PHLPP2: variants seen among roughly 807,000 people sequenced by gnomAD.
PHLPP2 encodes the protein PH domain leucine-rich repeat-containing protein phosphatase 2.
A neutral mutation model predicts 124.9 loss-of-function variants in PHLPP2; 66 were observed. The observed-to-expected ratio is 0.53, with a 90% CI of 0.43 to 0.65. The LOEUF (loss-of-function observed/expected upper bound fraction) is 0.65. Ranked by LOEUF, PHLPP2 falls within the 30% of genes least tolerant of loss-of-function variation. The pLI is 0.00. For missense variants in PHLPP2, 1,685 were observed against 1,600.4 expected (o/e 1.05, Z -0.90); for synonymous variants, 681 against 624.7 (o/e 1.09, Z -1.34).
chr16:71,669,181 C>T, intron 11 of PHLPP2, 94 bp downstream of exon 11: 1 of 788,020 alleles, frequency 1.3e-6, no homozygotes, highest in East Asian at 2.5e-5. Context: ...ACACACTGAA[C>T]AAATAAAAGG....
chr16:71,666,822 T>C (rs565716381), intron 12 of PHLPP2, among the ~76,000 whole-genome samples: 27 of 152,348 alleles, frequency 1.8e-4, no homozygotes, highest in Admixed American at 1.6e-3. Flanking sequence ...TTCTCTCCAA[T>C]GCAAAAGCTC....
intron 1 of PHLPP2, among the ~76,000 whole-genome samples, chr16:71,722,818 T>G (rs2045406790): frequency 1.3e-5 from 2 of 152,192 alleles, no homozygotes; most frequent in South Asian, 4.1e-4. Flanking sequence ...AAAATTTCTC[T>G]GCAACTCTTT....
chr16:71,649,327 G>A lies in PHLPP2; in HGVS notation c.3535C>T (p.Leu1179=), dbSNP rs371011394. 8 of 1,613,650 alleles carry A rather than the reference G, an allele frequency of 5.0e-6. No homozygotes were observed. The highest frequency in any genetic ancestry group is 5.9e-6 in the Non-Finnish European group (7 of 1,179,754). ...TCTATGAGAGGGGGTGAGTTCTCCA[G>A]ATCCCTCCCCCTGCAGCAGTGGATG... The part of the protein sequence containing the change: ...VDIHCCRGRD[L]ENSPPLIESS... Residue 1179 remains leucine, a synonymous_variant, in exon 19 of 19, where the codon CTG becomes TTG. Transcript: ENST00000568954.
chr16:71,649,567 C>A lies in PHLPP2; in HGVS notation c.3295G>T (p.Asp1099Tyr). The A allele has an allele frequency of 6.2e-7, 1 of 1,614,180 alleles. No individual in the cohort carries two copies. Among genetic ancestry groups the A allele is most frequent in the East Asian group, 2.2e-5 (1 of 44,880 alleles). Residue 1099 changes from aspartate (D) to tyrosine (Y), a missense_variant, in exon 19 of 19, where the codon GAT (aspartate) becomes TAT (tyrosine). Asp to Tyr is a radical substitution (Grantham distance 160, BLOSUM62 -3). Transcript: ENST00000568954. ...VSSEVGSTAS[D>Y]EHNAGGLDTA... ...TCCAGGCCCCCAGCATTATGCTCAT[C>A]AGAAGCAGTGGACCCCACTTCACTG... is the stretch of plus-strand genomic sequence containing the variant.
intron 4 of PHLPP2, among the ~76,000 whole-genome samples, chr16:71,688,388 T>C (rs938740438): frequency 2.0e-5 from 3 of 152,256 alleles, no homozygotes; most frequent in African/African-American, 7.2e-5. Flanking sequence ...TTTTAGTAAC[T>C]GTATTTTTAT....
chr16:71,710,175 G>A (rs973196150), intron 2 of PHLPP2, among the ~76,000 whole-genome samples: 1 of 151,958 alleles, frequency 6.6e-6, no homozygotes, highest in Admixed American at 6.6e-5. Context: ...AGTCTCTCTG[G>A]ACCTTGCCAC....
At chr16:71,680,480 G>C (rs1457708768) in intron 6 of PHLPP2, among the ~76,000 whole-genome samples, 4 of 152,170 alleles carry the variant, frequency 2.6e-5, no homozygotes, top group Non-Finnish European at 5.9e-5. Context: ...CCCAGAGATA[G>C]CATTGTTATA....
chr16:71,687,686 G>C (rs2045066700), intron 4 of PHLPP2, among the ~76,000 whole-genome samples: 1 of 151,930 alleles, frequency 6.6e-6, no homozygotes, highest in Non-Finnish European at 1.5e-5. Flanking sequence ...TAAATTTTAA[G>C]ATTATTTGAT....
In PHLPP2 at chr16:71,678,902, C is replaced by A. The variant is rs552174423; in HGVS notation, c.1121G>T (p.Gly374Val). The change falls in exon 8 of 19, where the codon GGA becomes GTA. Residue 374 changes from glycine (G) to valine (V), a missense_variant. Transcript: ENST00000568954. ...LGNLQQLSSL[G>V]ISFNNFSQIP... ...TTGACTAAAGTTGTTGAAGGAAATT[C>A]CCAAGGAGGAAAGCTGTTGTAGATT... 1.9e-5 allele frequency: 30 copies of A among 1,612,822 alleles called. No homozygotes were observed. The South Asian group carries it at 3.1e-4, about 17-fold the overall frequency.
At chr16:71,653,556 G>A (rs563229298) in intron 17 of PHLPP2, among the ~76,000 whole-genome samples, 1 of 152,102 alleles carries the variant, frequency 6.6e-6, no homozygotes, top group African/African-American at 2.4e-5. Context: ...GGGCATCCAC[G>A]CGTCTGTACT....
At chr16:71,653,153 C>G (rs1034129000) in intron 17 of PHLPP2, 132 bp from the exon 18 acceptor site, 1 of 622,660 alleles carries the variant, frequency 1.6e-6, no homozygotes, top group Non-Finnish European at 2.8e-6. Flanking sequence ...TTACCCTTAT[C>G]CACCTAAATG....
intron 1 of PHLPP2, chr16:71,723,727 G>C: frequency 1.0e-6 from 1 of 995,958 alleles, no homozygotes; most frequent in Non-Finnish European, 1.4e-6. Flanking sequence ...CCGCTTGCCC[G>C]CTCGCCCGCT....
chr16:71,723,882 TCA>T, intron 1 of PHLPP2: 3 of 1,080,662 alleles, frequency 2.8e-6, no homozygotes, highest in South Asian at 3.8e-5. Context: ...GACCCAGGAT[TCA>T]CAGAGACGCC....
At chr16:71,704,094 G>A (rs972519988) in intron 2 of PHLPP2, among the ~76,000 whole-genome samples, 2 of 152,156 alleles carry the variant, frequency 1.3e-5, no homozygotes, top group South Asian at 4.1e-4. Flanking sequence ...AGGCTGAGGC[G>A]GGCGGATCAC....
intron 1 of PHLPP2, among the ~76,000 whole-genome samples, chr16:71,717,277 G>A (rs2045369576): frequency 6.6e-6 from 1 of 152,292 alleles, no homozygotes; most frequent in Non-Finnish European, 1.5e-5. Flanking sequence ...AAAGATGTCA[G>A]AGAAAGAGGA....
chr16:71,652,116 T>C (rs114998283), intron 18 of PHLPP2, among the ~76,000 whole-genome samples: 13 of 152,180 alleles, frequency 8.5e-5, no homozygotes, highest in Non-Finnish European at 1.2e-4. Context: ...GAGAAAATAT[T>C]TGCAAAACAG....
rs768124685 is a variant in PHLPP2 at position 71,672,269 on chromosome 16, G to A, written c.1525C>T (p.Leu509Phe). ...PVPSLLTFLD[L>F]SRNLLECVPD... ...CTCATGAAAGACACTCACCGGGAGA[G>A]ATCCAAGAAAGTGAGCAGGCTGGGT... The change falls in exon 10 of 19, where the codon CTC becomes TTC. Residue 509 changes from leucine to phenylalanine, a missense_variant. By Grantham distance (22) the Leu-to-Phe change is conservative. Transcript: ENST00000568954. The A allele has an allele frequency of 5.0e-6, 8 of 1,612,466 alleles. No individual in the cohort carries two copies. The highest frequency in any genetic ancestry group is 6.8e-6 in the Non-Finnish European group (8 of 1,178,540).
At chr16:71,669,497 C>G in intron 10 of PHLPP2, 127 bp from the exon 11 acceptor site, 1 of 640,930 alleles carries the variant, frequency 1.6e-6, no homozygotes, top group Non-Finnish European at 2.8e-6. Context: ...TCCAAGGCAT[C>G]CCTTGGAACA....
rs749649630 is a variant in PHLPP2, at chr16:71,649,346, G to A, written c.3516C>T (p.His1172=). 6 of 1,613,494 alleles carry A rather than the reference G, an allele frequency of 3.7e-6. No homozygotes were observed. In the East Asian group the frequency reaches 8.9e-5, roughly 24 times the overall value. ...GSKVEVEVDI[H]CCRGRDLENS... ...TCTCCAGATCCCTCCCCCTGCAGCAGTGGATGTCTACTTCCACCTCTACCT... is the reference window on the plus strand; with the variant it reads ...TCTCCAGATCCCTCCCCCTGCAGCAATGGATGTCTACTTCCACCTCTACCT... Residue 1172 remains histidine (H), a synonymous_variant, in exon 19 of 19, where the codon CAC becomes CAT. Transcript: ENST00000568954.
Sources: gnomAD v4.1 joint callset for allele counts (sites outside exome capture counted in the v4.1 genomes callset) on GRCh38, gnomAD v4.1.1 for gene constraint, MANE v1.5 for transcripts, NCBI Gene and HGNC (gene_info 2026-07-23, HGNC 2026-07-21) for gene names.